ITFG1: variants seen among roughly 807,000 people sequenced by gnomAD.
The protein encoded by ITFG1 is integrin alpha FG-GAP repeat containing 1, also known as T-cell immunomodulatory protein.
ITFG1 carries 34 observed loss-of-function variants against 81.8 expected under a neutral mutation model. The ratio of observed to expected loss-of-function variants is 0.42; its 90% confidence interval spans 0.32 to 0.55. The LOEUF (loss-of-function observed/expected upper bound fraction) is 0.55, where lower values mean the gene tolerates loss of function less well. Among genes scored for constraint, ITFG1 ranks in the 20% least tolerant of loss-of-function variants. The pLI is 0.17. For missense variants in ITFG1, 672 were observed against 755.4 expected, an observed-to-expected ratio of 0.89 and a Z score of 1.29; for synonymous variants, 285 against 270.6, an observed-to-expected ratio of 1.05 and a Z score of -0.52.
chr16:47,440,429 C>T (rs1192202905), intron 5 of ITFG1, among the ~76,000 whole-genome samples: 6 of 152,204 alleles, frequency 3.9e-5, no homozygotes, highest in African/African-American at 9.6e-5. Context: ...TGACCACATA[C>T]GTGGAAGTAA....
chr16:47,359,967 T>C (rs1968088774), intron 8 of ITFG1, among the ~76,000 whole-genome samples: 1 of 152,244 alleles, frequency 6.6e-6, no homozygotes, highest in South Asian at 2.1e-4. Context: ...GGTTTTTGTA[T>C]GCTTGAGGCT....
In ITFG1 at chr16:47,154,681, A is replaced by C. The variant is rs1964676163; in HGVS notation, c.*1038T>G. 1 of 152,198 alleles carries C rather than the reference A, an allele frequency of 6.6e-6. No individual in the cohort carries two copies. The highest frequency in any genetic ancestry group is 1.5e-5 in the Non-Finnish European group (1 of 68,034). 9.4% of individuals were successfully genotyped at this position (152,198 alleles called of 1,614,324 possible). ...TGAATGTAAATTATAGACTTCTCCA[A>C]GTGTTTGAGAATAGAAATGTGATTG... On this transcript the variant is annotated 3_prime_UTR_variant, in exon 18 of 18. Transcript: ENST00000320640.
At chr16:47,450,030 C>T (rs866245466) in intron 5 of ITFG1, 1 of 152,272 alleles carries the variant, frequency 6.6e-6, no homozygotes, top group Non-Finnish European at 1.5e-5. Context: ...CCATCACATC[C>T]TCAATCACAT....
intron 12 of ITFG1, among the ~76,000 whole-genome samples, chr16:47,244,104 C>A (rs1009758059): frequency 6.6e-6 from 1 of 152,236 alleles, no homozygotes; most frequent in Non-Finnish European, 1.5e-5. Context: ...AGAGCACATC[C>A]TGTATGATTT....
At chr16:47,312,972 A>G (rs955146811) in intron 9 of ITFG1, 3 of 152,182 alleles carry the variant, frequency 2.0e-5, no homozygotes, top group Non-Finnish European at 4.4e-5. Flanking sequence ...CCTTAAAAAA[A>G]GTTCAAGATA....
intron 8 of ITFG1, among the ~76,000 whole-genome samples, chr16:47,332,643 T>G (rs1285806312): frequency 1.3e-5 from 2 of 152,216 alleles, no homozygotes; most frequent in Admixed American, 1.3e-4. Context: ...ATGTCCTTTA[T>G]CTCCATCATT....
At chr16:47,274,763 T>C (rs1326112029) in intron 10 of ITFG1, among the ~76,000 whole-genome samples, 1 of 152,158 alleles carries the variant, frequency 6.6e-6, no homozygotes, top group Non-Finnish European at 1.5e-5. Flanking sequence ...TTGTTACGTC[T>C]GCTAACAAGC....
rs1202949475 is a variant in ITFG1, at chr16:47,258,700, T to G, written c.1262A>C (p.Lys421Thr). 13 of 1,561,662 alleles carry G rather than the reference T, an allele frequency of 8.3e-6. No individual in the cohort carries two copies. Among genetic ancestry groups the G allele is most frequent in the Non-Finnish European group, 8.7e-7 (1 of 1,147,932 alleles). The change falls in exon 12 of 18, where the codon AAG (lysine) becomes ACG (threonine). Residue 421 changes from lysine (K) to threonine (T), a missense_variant. Physicochemically the swap from Lys to Thr is moderately conservative, Grantham distance 78. This residue lies in a region of ITFG1 where 560 missense variants were observed against 625.7 expected (regional missense o/e 0.90). Coordinates refer to ENST00000320640, the MANE Select transcript of ITFG1 (RefSeq NM_030790.5). ...TAGTGTATGAATGGCAAAATCATTC[T>G]TTGTATATCCTTTACTTAGCACTAC... is the stretch of plus-strand genomic sequence containing the variant. ...DIVVLSKGYTKNDFAIHTLKN... is the reference protein window; with the variant it reads ...DIVVLSKGYTTNDFAIHTLKN...
chr16:47,181,943 C>T (rs935515856), intron 14 of ITFG1, among the ~76,000 whole-genome samples: 10 of 152,038 alleles, frequency 6.6e-5, no homozygotes, highest in South Asian at 4.2e-4. Flanking sequence ...GGATTAAGGG[C>T]GGTGCAAGAT....
In ITFG1 at chr16:47,185,937, G is replaced by A. The variant is rs1299530886; in HGVS notation, c.1454-23273C>T. ...AAATGATAAAGGGGATATCACCACC[G>A]ATCCCACAGAAATACAAACTACCAT... On this transcript the variant is annotated intron_variant, in intron 14 of 17. Coordinates refer to ENST00000320640, the MANE Select transcript of ITFG1 (RefSeq NM_030790.5). 5.9e-5 allele frequency among the ~76,000 whole-genome samples: 9 copies of A among 152,230 alleles called. No homozygotes were observed. The South Asian group carries it at 1.0e-3, about 18-fold the overall frequency.
chr16:47,368,160 GGA>G (rs1968201332), intron 7 of ITFG1, among the ~76,000 whole-genome samples: 1 of 151,590 alleles, frequency 6.6e-6, no homozygotes, highest in Non-Finnish European at 1.5e-5. Context: ...TGTGAACCCA[GGA>G]GGCGGAGCTT....
intron 12 of ITFG1, among the ~76,000 whole-genome samples, chr16:47,254,769 A>G (rs1423653562): frequency 6.6e-6 from 1 of 152,196 alleles, no homozygotes; most frequent in African/African-American, 2.4e-5. Flanking sequence ...GAAAGAATTG[A>G]TCTTTAATCT....
rs150462784 is a variant in ITFG1 at position 47,266,700 on chromosome 16, G to C, written c.1071-6005C>G. 1.2e-3 allele frequency among the ~76,000 whole-genome samples: 185 copies of C among 152,294 alleles called. 1 individual carries two copies. The highest frequency in any genetic ancestry group is 2.0e-3 in the Non-Finnish European group (133 of 68,016). On this transcript the variant is annotated intron_variant, in intron 10 of 17. Coordinates refer to ENST00000320640, the MANE Select transcript of ITFG1 (RefSeq NM_030790.5). ...AATTTGACACAGGATTTTATTCCTA[G>C]ATATATTCCAAGGAAAATGAAAACA...
chr16:47,226,854 T>A (rs976446933), intron 13 of ITFG1, among the ~76,000 whole-genome samples: 3 of 152,166 alleles, frequency 2.0e-5, no homozygotes, highest in African/African-American at 7.2e-5. Flanking sequence ...TTCCCTAATA[T>A]TTTAATATGA....
At chr16:47,330,706 G>A (rs1427615506) in intron 8 of ITFG1, among the ~76,000 whole-genome samples, 1 of 151,894 alleles carries the variant, frequency 6.6e-6, no homozygotes, top group East Asian at 1.9e-4. Context: ...ACGAGCAGCC[G>A]ACAAACATGA....
At chr16:47,239,263 C>T (rs1003122362) in intron 12 of ITFG1, among the ~76,000 whole-genome samples, 3 of 151,750 alleles carry the variant, frequency 2.0e-5, no homozygotes, top group Admixed American at 6.6e-5. Context: ...TGCAGTGGCA[C>T]GATCTTGGCT....
chr16:47,174,713 T>C (rs2151511109), intron 14 of ITFG1, among the ~76,000 whole-genome samples: 1 of 152,264 alleles, frequency 6.6e-6, no homozygotes, highest in East Asian at 1.9e-4. Flanking sequence ...AGAGACAGGG[T>C]TTCACCATGT....
chr16:47,312,780 G>A (rs1041226846), intron 9 of ITFG1: 1 of 152,102 alleles, frequency 6.6e-6, no homozygotes, highest in African/African-American at 2.4e-5. Flanking sequence ...AGATTTTTCA[G>A]TATCAATATG....
chr16:47,360,705 G>A (rs1173721902), intron 8 of ITFG1, among the ~76,000 whole-genome samples: 1 of 151,914 alleles, frequency 6.6e-6, no homozygotes, highest in Non-Finnish European at 1.5e-5. Context: ...TTCCACACAC[G>A]GCGCATCTGA....
Sources: allele counts gnomAD v4.1 joint callset (sites outside exome capture counted in the v4.1 genomes callset), GRCh38; gene constraint gnomAD v4.1.1; regional missense constraint gnomAD v4.1.1; transcripts MANE v1.5; gene names NCBI Gene and HGNC (gene_info 2026-07-23, HGNC 2026-07-21).